MGAT5B: variants seen among roughly 807,000 people sequenced by gnomAD.
MGAT5B encodes the protein N-acetylglucosaminyl-transferase Vb.
In MGAT5B, 54 loss-of-function variants were observed where a neutral mutation model predicts 95.1. The ratio of observed to expected loss-of-function variants is 0.57; its 90% CI spans 0.46 to 0.71. The LOEUF is 0.71. Among genes scored for constraint, MGAT5B ranks in the 30% least tolerant of loss-of-function variants. The pLI is 0.00. For synonymous variants in MGAT5B, 464 were observed against 451.0 expected (o/e 1.03, Z -0.36); for missense variants, 935 against 1,088.6 (o/e 0.86, Z 1.99).
At chr17:76,887,445 CCCTT>C (rs1395601980) in intron 3 of MGAT5B, among the ~76,000 whole-genome samples, 10 of 127,420 alleles carry the variant, frequency 7.8e-5, no homozygotes, top group African/African-American at 2.1e-4. Context: ...CTCCCTCCCT[CCCTT>C]CCTTCCTCCC....
chr17:76,901,514 T>C (rs1412337989), intron 3 of MGAT5B, among the ~76,000 whole-genome samples: 2 of 151,888 alleles, frequency 1.3e-5, no homozygotes, highest in African/African-American at 2.4e-5. Flanking sequence ...TGCAATGAGA[T>C]AAATACTGCA....
intron 12 of MGAT5B, among the ~76,000 whole-genome samples, chr17:76,936,946 T>C (rs1969692475): frequency 6.6e-6 from 1 of 152,242 alleles, no homozygotes; most frequent in African/African-American, 2.4e-5. Flanking sequence ...AAATGAGTTT[T>C]AGAATCAGCT....
intron 2 of MGAT5B, among the ~76,000 whole-genome samples, chr17:76,875,637 G>A (rs1311984609): frequency 1.5e-5 from 2 of 135,118 alleles, no homozygotes; most frequent in African/African-American, 2.8e-5. Flanking sequence ...CTTGTATGCG[G>A]TTGTAGTCAC....
intron 3 of MGAT5B, among the ~76,000 whole-genome samples, chr17:76,888,545 A>G (rs960355846): frequency 6.6e-6 from 1 of 152,194 alleles, no homozygotes; most frequent in Non-Finnish European, 1.5e-5. Flanking sequence ...GGAGATCAAT[A>G]TCCCCGTTAA....
chr17:76,901,402 T>TA (rs57832999), intron 3 of MGAT5B, among the ~76,000 whole-genome samples: 13,429 of 143,540 alleles, frequency 0.094, 665 homozygotes, highest in East Asian at 0.14. Context: ...ATTAATGTGT[T>TA]AAAAAAAAAA....
In MGAT5B at chr17:76,873,506, C is replaced by T. The variant is rs75415092; in HGVS notation, c.181+543C>T. Among the ~76,000 whole-genome samples, 676 of 152,328 alleles carry T rather than the reference C, an allele frequency of 4.4e-3. 2 individuals are homozygous for T. Among genetic ancestry groups the T allele is most frequent in the Non-Finnish European group, 6.2e-3 (420 of 68,026 alleles). On this transcript the variant is annotated intron_variant, in intron 2 of 17. Transcript: ENST00000569840. ...GTCTGGGCTTGCATCCTTGTCATCA[C>T]CTACCAGCTGTGTGCCTTTGGCTGA...
Position 76,915,859 on chromosome 17 carries a change from G to C in MGAT5B, c.1026-9107G>C, listed in dbSNP as rs184086322. ...TTAACCTCCTGGCTGAGCGGGGAGC[G>C]AGCGCAGGAGCACACATCCCAGCGG... On this transcript the variant is annotated intron_variant, in intron 8 of 17. Coordinates refer to ENST00000569840, the MANE Select transcript of MGAT5B (RefSeq NM_001199172.2). The surrounding 1 kb of genome is among the most constrained non-coding windows in gnomAD (Gnocchi z 8.7). Among the ~76,000 whole-genome samples, 11 of 152,308 alleles carry C rather than the reference G, an allele frequency of 7.2e-5. No homozygotes were observed. Among genetic ancestry groups the C allele is most frequent in the Admixed American group, 5.2e-4 (8 of 15,304 alleles).
chr17:76,873,006 T>G (rs1568160078), intron 2 of MGAT5B, 43 bp downstream of exon 2: 1 of 1,602,386 alleles, frequency 6.2e-7, no homozygotes, highest in Non-Finnish European at 8.5e-7. Flanking sequence ...AGTGAGGGCG[T>G]TTGTGGGTCA....
chr17:76,897,679 TTC>T (rs893479057), intron 3 of MGAT5B, among the ~76,000 whole-genome samples: 13 of 85,372 alleles, frequency 1.5e-4, no homozygotes, highest in Non-Finnish European at 4.2e-5. Flanking sequence ...CTTTCTTTCT[TTC>T]TTTCTTTCTT....
chr17:76,949,164 G>A lies in MGAT5B; in HGVS notation c.*326G>A, dbSNP rs1348523081. The A allele has an allele frequency of 9.1e-6, 3 of 330,724 alleles. No individual in the cohort carries two copies. The highest frequency in any genetic ancestry group is 4.6e-5 in the Admixed American group (1 of 21,876). The allele number at this position is 330,724 out of a possible 1,614,324, so 20.5% of individuals were successfully genotyped here. A position where few individuals can be genotyped will look rare whatever the true frequency, so the allele number is the denominator to read the frequency against. ...GAGGCCCCTGGCTTTGTGCAAGGCC[G>A]GATCTGGGCCAGGTGGCGAAAGGGG... On this transcript the variant is annotated 3_prime_UTR_variant, in exon 18 of 18. Transcript: ENST00000569840.
At chr17:76,877,685 G>A (rs1174090136) in intron 2 of MGAT5B, among the ~76,000 whole-genome samples, 1 of 152,198 alleles carries the variant, frequency 6.6e-6, no homozygotes, top group East Asian at 1.9e-4. Flanking sequence ...CGGTGAGCGA[G>A]TACAGAGAGA....
At chr17:76,885,305 C>T (rs750347707) in intron 3 of MGAT5B, among the ~76,000 whole-genome samples, 20 of 152,148 alleles carry the variant, frequency 1.3e-4, no homozygotes, top group Non-Finnish European at 2.6e-4. Flanking sequence ...TCCTTTGCCC[C>T]TCTTTCATTC....
At chr17:76,894,155 C>T (rs1353798670) in intron 3 of MGAT5B, among the ~76,000 whole-genome samples, 1 of 152,214 alleles carries the variant, frequency 6.6e-6, no homozygotes, top group Non-Finnish European at 1.5e-5. Flanking sequence ...GGCCACCCGG[C>T]TCCCTGTTCC....
At chr17:76,942,716 A>C (rs1030930290) in intron 15 of MGAT5B, among the ~76,000 whole-genome samples, 3 of 152,108 alleles carry the variant, frequency 2.0e-5, no homozygotes, top group African/African-American at 7.2e-5. Flanking sequence ...GATTAATTTC[A>C]CTGCTGGAAA....
chr17:76,948,073 G>A lies in MGAT5B; in HGVS notation c.2167G>A (p.Asp723Asn). 6.2e-7 allele frequency: 1 copy of A among 1,602,654 alleles called. No homozygotes were observed. Among genetic ancestry groups the A allele is most frequent in the East Asian group, 2.2e-5 (1 of 44,714 alleles). ...PSFFPFLNSQ[D>N]AFLKLQVPCD... ...CTTCTTCCCCTTCCTGAACAGCCAG[G>A]ACGCCTTCCTCAAGTGAGTGTTCCC... Residue 723 changes from aspartate (D) to asparagine (N), a missense_variant, in exon 17 of 18, where the codon GAC becomes AAC. Asp to Asn is a conservative substitution (Grantham distance 23, BLOSUM62 1). Transcript: ENST00000569840.
chr17:76,925,020 C>T lies in MGAT5B; in HGVS notation c.1080C>T (p.Pro360=), dbSNP rs568480449. 3.7e-6 allele frequency: 6 copies of T among 1,605,450 alleles called. No individual in the cohort carries two copies. The East Asian group carries it at 1.4e-4, about 36-fold the overall frequency. The change falls in exon 9 of 18, where the codon CCC becomes CCT. Residue 360 remains proline, a synonymous_variant. Coordinates refer to ENST00000569840, the MANE Select transcript of MGAT5B (RefSeq NM_001199172.2). ...RGSCPLTMPL[P]FDLIYTDYHG... is the part of the protein sequence containing the mutation. ...GCTGCCCGCTCACCATGCCCCTGCC[C>T]TTCGACCTCATCTACACCGACTACC... is the stretch of plus-strand genomic sequence containing the variant.
intron 3 of MGAT5B, among the ~76,000 whole-genome samples, chr17:76,884,602 ATT>A (rs11338232): frequency 0.086 from 10,757 of 125,440 alleles, 531 homozygotes; most frequent in African/African-American, 0.16. Context: ...TGCCCAGCTA[ATT>A]TTTTTTTTTT....
rs1420261705 is a variant in MGAT5B at position 76,905,560 on chromosome 17, T to C, written c.855+227T>C. ...CAAGCCCCCAAGAGGTCCTGCATTC[T>C]GTGTACATCTGGTTCATGTCAGGCA... On this transcript the variant is annotated intron_variant, in intron 7 of 17. Coordinates refer to ENST00000569840, the MANE Select transcript of MGAT5B (RefSeq NM_001199172.2). The surrounding 1 kb of genome is among the most constrained non-coding windows in gnomAD (Gnocchi z 4.2). Among the ~76,000 whole-genome samples, 1 of 152,216 alleles carries C rather than the reference T, an allele frequency of 6.6e-6. No homozygotes were observed. Among genetic ancestry groups the C allele is most frequent in the African/African-American group, 2.4e-5 (1 of 41,458 alleles).
At chr17:76,936,221 A>G (rs531268151) in intron 12 of MGAT5B, among the ~76,000 whole-genome samples, 3 of 152,082 alleles carry the variant, frequency 2.0e-5, no homozygotes, top group Non-Finnish European at 2.9e-5. Context: ...AGCTTGACTA[A>G]CAAGGTGAAA....
Sources: allele counts gnomAD v4.1 joint callset (sites outside exome capture counted in the v4.1 genomes callset), GRCh38; gene constraint gnomAD v4.1.1; non-coding constraint Gnocchi (gnomAD v3.1); transcripts MANE v1.5; gene names NCBI Gene and HGNC (gene_info 2026-07-23, HGNC 2026-07-21).